The following REDIC1 variants were observed in gnomAD, a reference collection of about 807,000 sequenced individuals.
The protein encoded by REDIC1 is HEI10 Interacting Protein 1.
the REDIC1 span, among the ~76,000 whole-genome samples, chr12:39,636,407 A>G: frequency 2.6e-5 from 4 of 152,176 alleles, no homozygotes; most frequent in Middle Eastern, 3.4e-3. Flanking sequence ...TCTAACATAT[A>G]TCATTACTAT....
chr12:39,828,058 C>A, the REDIC1 span, among the ~76,000 whole-genome samples: 1 of 152,040 alleles, frequency 6.6e-6, no homozygotes, highest in Non-Finnish European at 1.5e-5. Context: ...ACCAAACCAC[C>A]AATCAACCAA....
At chr12:39,864,878 G>A in the REDIC1 span, 17 of 1,603,106 alleles carry the variant, frequency 1.1e-5, no homozygotes, top group African/African-American at 1.9e-4. Context: ...GTGCTACGGT[G>A]GTACCTTAAA....
the REDIC1 span, among the ~76,000 whole-genome samples, chr12:39,870,496 A>G: frequency 1.4e-3 from 208 of 152,312 alleles, 1 homozygote; most frequent in Admixed American, 2.7e-3. Context: ...CTGTGTCCTC[A>G]TAACATCTAC....
the REDIC1 span, among the ~76,000 whole-genome samples, chr12:39,700,532 A>G: frequency 6.6e-6 from 1 of 152,202 alleles, no homozygotes; most frequent in African/African-American, 2.4e-5. Context: ...ATCCAGCAGA[A>G]CTTCCCAATC....
the REDIC1 span, among the ~76,000 whole-genome samples, chr12:39,828,312 C>G: frequency 6.6e-6 from 1 of 151,918 alleles, no homozygotes; most frequent in Non-Finnish European, 1.5e-5. Context: ...ATGCTGTGAA[C>G]ATCATTTTTT....
chr12:39,683,249 T>A, the REDIC1 span: 1 of 1,273,156 alleles, frequency 7.9e-7, no homozygotes, highest in African/African-American at 1.5e-5. Flanking sequence ...TATGTGTGTT[T>A]ATGTGTTTGG....
At chr12:39,666,970 A>T in the REDIC1 span, among the ~76,000 whole-genome samples, 1 of 151,916 alleles carries the variant, frequency 6.6e-6, no homozygotes, top group Non-Finnish European at 1.5e-5. Flanking sequence ...CTTCTTTATT[A>T]GTCTTGCTAG....
chr12:39,675,351 A>G, the REDIC1 span, among the ~76,000 whole-genome samples: 1 of 152,152 alleles, frequency 6.6e-6, no homozygotes, highest in South Asian at 2.1e-4. Context: ...GCCAAAGACA[A>G]AAGACATAAA....
At chr12:39,871,920 T>A in the REDIC1 span, 17 of 1,610,148 alleles carry the variant, frequency 1.1e-5, no homozygotes, top group Non-Finnish European at 1.4e-5. Context: ...AAGTCTATCA[T>A]CTTCAACACC....
At chr12:39,666,826 TC>T in the REDIC1 span, among the ~76,000 whole-genome samples, 1 of 152,250 alleles carries the variant, frequency 6.6e-6, no homozygotes, top group Non-Finnish European at 1.5e-5. Context: ...TTTATCCTTT[TC>T]TTCTAGATTT....
At chr12:39,854,109 A>T in the REDIC1 span, among the ~76,000 whole-genome samples, 71 of 152,150 alleles carry the variant, frequency 4.7e-4, no homozygotes, top group Non-Finnish European at 9.3e-4. Flanking sequence ...AGCAAAAAAA[A>T]AAATAAAGGC....
chr12:39,748,454 C>A, the REDIC1 span, among the ~76,000 whole-genome samples: 16 of 152,140 alleles, frequency 1.1e-4, no homozygotes, highest in African/African-American at 3.6e-4. Flanking sequence ...GACTTAGACT[C>A]CCACATAATA....
chr12:39,673,698 A>G, the REDIC1 span, among the ~76,000 whole-genome samples: 25 of 151,804 alleles, frequency 1.6e-4, no homozygotes, highest in African/African-American at 6.1e-4. Context: ...TCACTTCCTT[A>G]CTCTAGTGAC....
chr12:39,716,689 C>A, the REDIC1 span: 1 of 1,144,144 alleles, frequency 8.7e-7, no homozygotes, highest in Non-Finnish European at 1.2e-6. Flanking sequence ...ATATCTTCTG[C>A]CTGGCATATG....
chr12:39,819,761 C>T, the REDIC1 span: 1 of 152,396 alleles, frequency 6.6e-6, no homozygotes, highest in Non-Finnish European at 1.5e-5. Context: ...AATGTACTGG[C>T]TTTCTGAATA....
chr12:39,713,792 G>T, the REDIC1 span, among the ~76,000 whole-genome samples: 2 of 146,892 alleles, frequency 1.4e-5, no homozygotes, highest in South Asian at 2.1e-4. Flanking sequence ...AATATACATA[G>T]ATGTATATAT....
the REDIC1 span, among the ~76,000 whole-genome samples, chr12:39,820,202 T>C: frequency 6.6e-6 from 1 of 152,204 alleles, no homozygotes; most frequent in African/African-American, 2.4e-5. Flanking sequence ...TGGTTAATCC[T>C]TGGAACTATT....
chr12:39,903,714 T>C, the REDIC1 span, among the ~76,000 whole-genome samples: 6 of 152,038 alleles, frequency 3.9e-5, no homozygotes, highest in Admixed American at 6.6e-5. Context: ...GCCCCAGAAA[T>C]GGAGACATCA....
the REDIC1 span, among the ~76,000 whole-genome samples, chr12:39,690,475 A>C: frequency 1.1e-3 from 161 of 152,314 alleles, 1 homozygote; most frequent in African/African-American, 3.6e-3. Context: ...GATGGGAAGA[A>C]ATGAAATAGC....
Sources: allele counts gnomAD v4.1 joint callset (sites outside exome capture counted in the v4.1 genomes callset), GRCh38; gene constraint gnomAD v4.1.1; transcripts MANE v1.5; gene names NCBI Gene and HGNC (gene_info 2026-07-23, HGNC 2026-07-21).